Variants in STX8 observed in about 807,000 individuals in gnomAD.
STX8 encodes the protein syntaxin-8.
A neutral mutation model predicts 37.5 loss-of-function variants in STX8; 23 were observed. The observed-to-expected ratio is 0.61, with a 90% CI of 0.44 to 0.87. The LOEUF is 0.87. Among genes scored for constraint, STX8 ranks in the 40% least tolerant of loss-of-function variants. STX8 has a pLI of 0.00. For synonymous variants in STX8, 115 were observed against 99.1 expected (o/e 1.16, Z -0.95); for missense variants, 313 against 284.7 (o/e 1.10, Z -0.71).
At chr17:9,400,897 A>G (rs943807377) in intron 6 of STX8, among the ~76,000 whole-genome samples, 2 of 152,150 alleles carry the variant, frequency 1.3e-5, no homozygotes, top group African/African-American at 4.8e-5. Flanking sequence ...TTCCCCCCTC[A>G]CAATTATAGA....
chr17:9,372,965 G>A (rs1181591127), intron 7 of STX8, among the ~76,000 whole-genome samples: 4 of 150,992 alleles, frequency 2.6e-5, no homozygotes, highest in African/African-American at 4.9e-5. Context: ...TTAGCCCAGC[G>A]TGGTGGTGCA....
intron 4 of STX8, among the ~76,000 whole-genome samples, chr17:9,519,866 C>T (rs983167695): frequency 2.1e-5 from 3 of 145,594 alleles, no homozygotes; most frequent in Non-Finnish European, 3.0e-5. Context: ...ACTCAAATGT[C>T]AATTCTGCTG....
At chr17:9,540,932 C>G (rs958888849) in intron 4 of STX8, 1 of 152,522 alleles carries the variant, frequency 6.6e-6, no homozygotes, top group Non-Finnish European at 1.5e-5. Context: ...TCTCTGTCCC[C>G]ATGCCACTCA....
chr17:9,446,440 G>A (rs147367670), intron 6 of STX8, among the ~76,000 whole-genome samples: 174 of 152,274 alleles, frequency 1.1e-3, no homozygotes, highest in African/African-American at 3.7e-3. Context: ...TTACCACCAC[G>A]TCCACAGTTG....
chr17:9,354,646 C>T (rs1256290087), intron 7 of STX8, among the ~76,000 whole-genome samples: 2 of 152,066 alleles, frequency 1.3e-5, no homozygotes, highest in African/African-American at 4.8e-5. Context: ...ATACTATAAT[C>T]GTGCTTCCAT....
chr17:9,535,353 C>A (rs930415812), intron 4 of STX8, among the ~76,000 whole-genome samples: 6 of 151,674 alleles, frequency 4.0e-5, no homozygotes, highest in African/African-American at 9.7e-5. Context: ...GGGGTTCTAC[C>A]CCGCTAGAAA....
At chr17:9,561,664 C>CAAAAAAAAAA (rs11353116) in intron 2 of STX8, among the ~76,000 whole-genome samples, 10 of 66,664 alleles carry the variant, frequency 1.5e-4, no homozygotes, top group Non-Finnish European at 2.1e-4. Flanking sequence ...TCCATCTGGC[C>CAAAAAAAAAA]AAAAAAAAAA....
chr17:9,442,525 G>T (rs1904704017), intron 6 of STX8, among the ~76,000 whole-genome samples: 1 of 152,164 alleles, frequency 6.6e-6, no homozygotes, highest in African/African-American at 2.4e-5. Flanking sequence ...TCCTGCCTCA[G>T]CCTCTCAAGT....
At chr17:9,423,614 G>A (rs1413847153) in intron 6 of STX8, among the ~76,000 whole-genome samples, 9 of 152,176 alleles carry the variant, frequency 5.9e-5, no homozygotes, top group African/African-American at 1.9e-4. Flanking sequence ...GAGAACCACC[G>A]TGCCCGGCCA....
At chr17:9,425,053 G>GA in intron 6 of STX8, among the ~76,000 whole-genome samples, 1 of 152,296 alleles carries the variant, frequency 6.6e-6, no homozygotes, top group East Asian at 1.9e-4. Context: ...TGATACTGAT[G>GA]AATGACCAGG....
chr17:9,575,749 C>T, intron 1 of STX8, 43 bp downstream of exon 1: 1 of 1,545,898 alleles, frequency 6.5e-7, no homozygotes, highest in Non-Finnish European at 8.7e-7. Context: ...CCCGGCCTCC[C>T]CGAAGGTCCC....
intron 1 of STX8, 40 bp from the exon 2 acceptor site, chr17:9,568,510 T>G: frequency 7.0e-7 from 1 of 1,433,416 alleles, no homozygotes; most frequent in South Asian, 1.2e-5. Context: ...TTTAAGGTTC[T>G]TTTTTTTTGA....
chr17:9,445,545 T>A (rs1904816636), intron 6 of STX8, among the ~76,000 whole-genome samples: 1 of 110,944 alleles, frequency 9.0e-6, no homozygotes, highest in South Asian at 3.2e-4. Context: ...GCTCACGGAA[T>A]GAAGAGCTTT....
chr17:9,286,895 C>T (rs1002525051), intron 7 of STX8, among the ~76,000 whole-genome samples: 1 of 152,088 alleles, frequency 6.6e-6, no homozygotes, highest in Non-Finnish European at 1.5e-5. Context: ...TGACCAGCTA[C>T]GTGACCTTGA....
intron 7 of STX8, among the ~76,000 whole-genome samples, chr17:9,264,625 T>C (rs565000918): frequency 6.6e-5 from 10 of 152,026 alleles, no homozygotes; most frequent in African/African-American, 2.4e-4. Context: ...AACACAGCAA[T>C]AGATAACCAG....
intron 5 of STX8, among the ~76,000 whole-genome samples, chr17:9,502,746 A>C (rs943139092): frequency 1.3e-5 from 2 of 152,138 alleles, no homozygotes; most frequent in Non-Finnish European, 2.9e-5. Flanking sequence ...ATATTAATCA[A>C]CAGGTGAATG....
chr17:9,415,415 T>C (rs1913152065), intron 6 of STX8, among the ~76,000 whole-genome samples: 1 of 152,182 alleles, frequency 6.6e-6, no homozygotes, highest in Admixed American at 6.5e-5. Context: ...TCCTAGAACC[T>C]GGCTTCTACT....
chr17:9,550,560 C>T (rs942164896), intron 3 of STX8, among the ~76,000 whole-genome samples: 10 of 151,486 alleles, frequency 6.6e-5, no homozygotes, highest in Non-Finnish European at 1.3e-4. Context: ...GGTGACACAG[C>T]GAGACTCCAT....
intron 7 of STX8, among the ~76,000 whole-genome samples, chr17:9,266,515 G>A (rs140531544): frequency 7.0e-4 from 107 of 152,316 alleles, no homozygotes; most frequent in African/African-American, 1.9e-3. Flanking sequence ...GCTGGTGGCT[G>A]AAATCAAGAG....
Sources: gnomAD v4.1 joint callset for allele counts (sites outside exome capture counted in the v4.1 genomes callset) on GRCh38, gnomAD v4.1.1 for gene constraint, MANE v1.5 for transcripts, NCBI Gene and HGNC (gene_info 2026-07-23, HGNC 2026-07-21) for gene names.